The following MGST2 variants were observed in gnomAD, a reference collection of about 807,000 sequenced individuals.
The protein encoded by MGST2 is glutathione peroxidase MGST2.
Under a neutral mutation model 16.6 loss-of-function variants are expected in MGST2, and 9 were observed. The observed-to-expected ratio is 0.54, with a 90% CI of 0.33 to 0.95. MGST2 has a LOEUF of 0.95. Ranked by LOEUF, MGST2 falls within the 40% of genes least tolerant of loss-of-function variation. The pLI, the probability that MGST2 is intolerant of heterozygous loss-of-function variation, is 0.03. For missense variants in MGST2, 159 were observed against 175.1 expected (o/e 0.91, Z 0.52); for synonymous variants, 79 against 68.0 (o/e 1.16, Z -0.79).
At chr4:139,673,372 A>G (rs1730803820) in intron 1 of MGST2, among the ~76,000 whole-genome samples, 1 of 152,122 alleles carries the variant, frequency 6.6e-6, no homozygotes, top group Non-Finnish European at 1.5e-5. Flanking sequence ...TTAAGACCCT[A>G]ACTCCCCAAT....
At chr4:139,675,156 C>G (rs185922348) in intron 1 of MGST2, among the ~76,000 whole-genome samples, 147 of 152,276 alleles carry the variant, frequency 9.7e-4, no homozygotes, top group African/African-American at 3.2e-3. Flanking sequence ...ATTTGGGTGA[C>G]TATTATTTAA....
chr4:139,739,833 G>A (rs1729098760), intron 5 of MGST2, among the ~76,000 whole-genome samples: 1 of 151,300 alleles, frequency 6.6e-6, no homozygotes, highest in Non-Finnish European at 1.5e-5. Context: ...TTTATATTAT[G>A]AATATATATT....
At chr4:139,680,639 AC>A (rs1731193814) in intron 2 of MGST2, among the ~76,000 whole-genome samples, 5 of 151,984 alleles carry the variant, frequency 3.3e-5, no homozygotes, top group Non-Finnish European at 7.4e-5. Context: ...AGTGGAGTGC[AC>A]CCTTCAGAAG....
intron 5 of MGST2, among the ~76,000 whole-genome samples, chr4:139,731,786 C>A (rs1176148082): frequency 6.6e-6 from 1 of 152,164 alleles, no homozygotes; most frequent in Non-Finnish European, 1.5e-5. Flanking sequence ...CCACACAGCC[C>A]AGGTGACTAC....
intron 3 of MGST2, among the ~76,000 whole-genome samples, chr4:139,697,360 G>T (rs1181605903): frequency 6.6e-6 from 1 of 152,058 alleles, no homozygotes; most frequent in Non-Finnish European, 1.5e-5. Flanking sequence ...ACCTGTTCAG[G>T]CAGATATCCT....
At chr4:139,682,242 T>TA (rs10711495) in intron 2 of MGST2, among the ~76,000 whole-genome samples, 153 of 144,740 alleles carry the variant, frequency 1.1e-3, no homozygotes, top group Non-Finnish European at 1.4e-3. Flanking sequence ...TAATTGGTGC[T>TA]AAAAAAAAAA....
intron 1 of MGST2, 97 bp downstream of exon 1, chr4:139,666,174 T>G: frequency 1.6e-6 from 2 of 1,284,346 alleles, no homozygotes; most frequent in Non-Finnish European, 2.2e-6. Context: ...GGGAGATGGG[T>G]CCGGTGTTTT....
At position 139,731,175 on chromosome 4, in the gene MGST2, C is replaced by T. The variant is rs192468479; in HGVS notation, c.*49-9037C>T. The T allele has an allele frequency of 8.5e-4, 138 of 161,678 alleles. 2 individuals are homozygous for T. Among genetic ancestry groups the T allele is most frequent in the Admixed American group, 3.7e-3 (65 of 17,578 alleles). 10.0% of individuals were successfully genotyped at this position (161,678 alleles called of 1,614,324 possible). The stretch of plus-strand genomic sequence containing the variant: ...GATCTGATATTTGATGGAATTCTAA[C>T]GAGTTGCAACATTTGAGAGCTTAGA... On this transcript the variant is annotated intron_variant, in intron 5 of 5. Coordinates refer to the MGST2 transcript ENST00000616265.
At chr4:139,749,694 C>T in the MGST2 span, among the ~76,000 whole-genome samples, 1 of 152,228 alleles carries the variant, frequency 6.6e-6, no homozygotes, top group African/African-American at 2.4e-5. Flanking sequence ...ATGCAATTCA[C>T]AGACCCGCGG....
At chr4:139,708,934 G>A (rs1311727252), downstream of MGST2, among the ~76,000 whole-genome samples, 7 of 145,404 alleles carry the variant, frequency 4.8e-5, no homozygotes, top group Admixed American at 1.4e-4. Context: ...CCCAGGAGGA[G>A]GTTGTGGTGA....
rs540233790 is a variant in MGST2 at position 139,702,027 on chromosome 4, G to A, written c.230-1428G>A. On this transcript the variant is annotated intron_variant, in intron 3 of 4. Coordinates refer to ENST00000265498, the MANE Select transcript of MGST2 (RefSeq NM_002413.5). ...TAAATTTAATTTAATCTAGCATATC[G>A]CAGTCCCACACATAGACTCCAAATG... is the stretch of plus-strand genomic sequence containing the variant. 9.2e-5 allele frequency among the ~76,000 whole-genome samples: 14 copies of A among 151,968 alleles called. No homozygotes were observed. In the South Asian group the frequency reaches 2.1e-3, roughly 23 times the overall value.
chr4:139,707,079 TTAG>T (rs949357724), downstream of MGST2, among the ~76,000 whole-genome samples: 3 of 152,090 alleles, frequency 2.0e-5, no homozygotes, highest in African/African-American at 7.2e-5. Context: ...ACTTTAAGTT[TTAG>T]GGTACATGTG....
chr4:139,667,076 T>C (rs996841176), intron 1 of MGST2, among the ~76,000 whole-genome samples: 25 of 152,168 alleles, frequency 1.6e-4, no homozygotes, highest in Admixed American at 9.2e-4. Flanking sequence ...CCTAGACAAA[T>C]TACATTTAAC....
the MGST2 span, among the ~76,000 whole-genome samples, chr4:139,754,437 G>C: frequency 2.0e-5 from 3 of 152,112 alleles, no homozygotes; most frequent in Non-Finnish European, 4.4e-5. Flanking sequence ...ACAAGACAAG[G>C]ATCATAGCTG....
intron 5 of MGST2, among the ~76,000 whole-genome samples, chr4:139,734,319 T>A (rs1158483958): frequency 6.6e-6 from 1 of 152,220 alleles, no homozygotes. Flanking sequence ...TGAGCTTTCG[T>A]CATGCGAGAT....
intron 1 of MGST2, among the ~76,000 whole-genome samples, chr4:139,678,186 C>A (rs761456478): frequency 5.3e-5 from 8 of 152,150 alleles, no homozygotes; most frequent in Non-Finnish European, 7.4e-5. Context: ...TTCAGTGAAC[C>A]TCCAGGGGGC....
rs569461966 is a variant in MGST2, at chr4:139,693,517, A to G, written c.159-1680A>G. ...AACAGGCCTATGGATTTAGCCAAGG[A>G]AAAAGAAACGTGGGAATGCTGTTTA... On this transcript the variant is annotated intron_variant, in intron 2 of 4. Coordinates refer to ENST00000265498, the MANE Select transcript of MGST2 (RefSeq NM_002413.5). Among the ~76,000 whole-genome samples, 11 of 152,288 alleles carry G rather than the reference A, an allele frequency of 7.2e-5. No homozygotes were observed. The South Asian group carries it at 2.3e-3, about 32-fold the overall frequency.
chr4:139,706,359 G>T (rs1274082490), downstream of MGST2, among the ~76,000 whole-genome samples: 1 of 152,174 alleles, frequency 6.6e-6, no homozygotes, highest in Non-Finnish European at 1.5e-5. Flanking sequence ...TGCTGGCTGT[G>T]CTACCCCAGC....
intron 3 of MGST2, among the ~76,000 whole-genome samples, chr4:139,702,352 C>G (rs1412186887): frequency 1.3e-5 from 2 of 152,116 alleles, no homozygotes; most frequent in Non-Finnish European, 2.9e-5. Context: ...CCCATTCTCA[C>G]TCCCAGATGC....
Sources: allele counts gnomAD v4.1 joint callset (sites outside exome capture counted in the v4.1 genomes callset), GRCh38; gene constraint gnomAD v4.1.1; transcripts MANE v1.5; gene names NCBI Gene and HGNC (gene_info 2026-07-23, HGNC 2026-07-21).